Variants in POLR3B observed in about 807,000 individuals in gnomAD.
The protein encoded by POLR3B is RNA polymerase III subunit B.
POLR3B carries 96 observed loss-of-function variants against 147.4 expected under a neutral mutation model. The observed-to-expected ratio is 0.65, with a 90% confidence interval of 0.55 to 0.77. The LOEUF is 0.77. Among genes scored for constraint, POLR3B ranks in the 30% least tolerant of loss-of-function variants. The probability of loss-of-function intolerance (pLI) is 0.00; values close to 1 mark genes in which losing one functional copy is unlikely to be tolerated. For synonymous variants in POLR3B, 461 were observed against 485.9 expected (o/e 0.95, Z 0.67); for missense variants, 1,036 against 1,413.5 (o/e 0.73, Z 4.28).
chr12:106,433,435 C>CCAGGTTGTTTGGGGT (rs1320412308), intron 15 of POLR3B, among the ~76,000 whole-genome samples: 30 of 152,168 alleles, frequency 2.0e-4, no homozygotes, highest in African/African-American at 7.0e-4. Flanking sequence ...AGTGTTCAAA[C>CCAGGTTGTTTGGGGT]CCAGGTTGTT....
intron 1 of POLR3B, among the ~76,000 whole-genome samples, chr12:106,363,559 C>A (rs958625654): frequency 1.3e-5 from 2 of 152,144 alleles, no homozygotes; most frequent in East Asian, 1.9e-4. Context: ...GCCTTATTTT[C>A]CTTTTCTCAA....
chr12:106,380,487 G>C (rs963871348), intron 9 of POLR3B, among the ~76,000 whole-genome samples: 1 of 152,110 alleles, frequency 6.6e-6, no homozygotes, highest in Non-Finnish European at 1.5e-5. Flanking sequence ...GGAGGCTGAG[G>C]TGGGAGGATG....
chr12:106,384,556 C>A (rs900180919), intron 9 of POLR3B, among the ~76,000 whole-genome samples: 2 of 152,180 alleles, frequency 1.3e-5, no homozygotes, highest in African/African-American at 4.8e-5. Context: ...AACACTCTGC[C>A]TTCTTGTTTC....
In POLR3B at chr12:106,367,208, T is replaced by G. The variant is rs138511178; in HGVS notation, c.227+486T>G. On this transcript the variant is annotated intron_variant, in intron 4 of 27. Transcript: ENST00000228347. ...TATAATGAGCTATGGTTGGGAAAATTTTGAAACTATTAGGTTTTAAATATT... is the reference window on the plus strand; with the variant it reads ...TATAATGAGCTATGGTTGGGAAAATGTTGAAACTATTAGGTTTTAAATATT... 6.3e-3 allele frequency among the ~76,000 whole-genome samples: 966 copies of G among 152,322 alleles called. 9 individuals are homozygous for G. Among genetic ancestry groups the G allele is most frequent in the African/African-American group, 0.022 (933 of 41,558 alleles).
At chr12:106,365,801 G>C (rs955471252) in intron 2 of POLR3B, among the ~76,000 whole-genome samples, 1 of 151,742 alleles carries the variant, frequency 6.6e-6, no homozygotes, top group African/African-American at 2.4e-5. Context: ...GGACGTTGCA[G>C]TGAGCCGAGA....
chr12:106,502,031 A>G (rs1380752994), intron 26 of POLR3B, among the ~76,000 whole-genome samples: 3 of 152,158 alleles, frequency 2.0e-5, no homozygotes, highest in African/African-American at 7.2e-5. Flanking sequence ...ACTAAGTTTC[A>G]CATGTTCTTA....
intron 23 of POLR3B, 82 bp from the exon 24 acceptor site, chr12:106,495,970 TAGC>T: frequency 1.2e-6 from 1 of 824,876 alleles, no homozygotes; most frequent in South Asian, 1.3e-5. Context: ...GAAATAGAGA[TAGC>T]AGCGGGGAGA....
intron 25 of POLR3B, 104 bp from the exon 26 acceptor site, chr12:106,501,219 G>C: frequency 1.3e-6 from 1 of 766,552 alleles, no homozygotes; most frequent in South Asian, 1.4e-5. Flanking sequence ...TTCTTATCCA[G>C]TCAGTCATAA....
chr12:106,451,121 A>G (rs2037788304), intron 19 of POLR3B, among the ~76,000 whole-genome samples: 1 of 152,158 alleles, frequency 6.6e-6, no homozygotes, highest in African/African-American at 2.4e-5. Context: ...CTAATCTGTA[A>G]CAATACAGAA....
intron 12 of POLR3B, among the ~76,000 whole-genome samples, chr12:106,423,874 G>A (rs77475661): frequency 0.011 from 1,590 of 147,400 alleles, 27 homozygotes; most frequent in African/African-American, 0.037. Flanking sequence ...TTTTTTCCTC[G>A]GGACAAGAGT....
chr12:106,374,661 C>T (rs1228081584), intron 6 of POLR3B, among the ~76,000 whole-genome samples: 1 of 151,978 alleles, frequency 6.6e-6, no homozygotes, highest in South Asian at 2.1e-4. Flanking sequence ...ACTATAGGCG[C>T]ACGCCACCAC....
chr12:106,486,608 T>G (rs1363440779), intron 23 of POLR3B, among the ~76,000 whole-genome samples: 1 of 152,206 alleles, frequency 6.6e-6, no homozygotes, highest in African/African-American at 2.4e-5. Context: ...AAATTCCCAT[T>G]CTTCCTGGAT....
At chr12:106,360,198 G>A (rs1242928229) in intron 1 of POLR3B, among the ~76,000 whole-genome samples, 2 of 152,202 alleles carry the variant, frequency 1.3e-5, no homozygotes, top group African/African-American at 4.8e-5. Flanking sequence ...TCTGCAGCCA[G>A]AGCTGTCCGT....
chr12:106,429,487 C>T (rs905098517), intron 13 of POLR3B, among the ~76,000 whole-genome samples: 1 of 151,986 alleles, frequency 6.6e-6, no homozygotes, highest in African/African-American at 2.4e-5. Flanking sequence ...ATTCATGTTA[C>T]CATGAATTTA....
At chr12:106,469,589 G>A (rs1467089609) in intron 23 of POLR3B, among the ~76,000 whole-genome samples, 13 of 151,660 alleles carry the variant, frequency 8.6e-5, no homozygotes, top group Admixed American at 1.3e-4. Flanking sequence ...GGCTGGTACC[G>A]GTTGTTCCTT....
At chr12:106,406,109 C>T (rs1429203613) in intron 11 of POLR3B, 133 bp downstream of exon 11, 11 of 874,518 alleles carry the variant, frequency 1.3e-5, no homozygotes, top group Non-Finnish European at 7.3e-6. Context: ...TGTACTGCCC[C>T]ATCAGAAATA....
chr12:106,365,479 C>T (rs1009551013), intron 2 of POLR3B, among the ~76,000 whole-genome samples: 1 of 152,092 alleles, frequency 6.6e-6, no homozygotes, highest in African/African-American at 2.4e-5. Flanking sequence ...CTCTGCCTCC[C>T]GAGTAGCTGT....
At chr12:106,467,445 G>T in intron 23 of POLR3B, among the ~76,000 whole-genome samples, 1 of 151,850 alleles carries the variant, frequency 6.6e-6, no homozygotes, top group East Asian at 1.9e-4. Context: ...ATACTTTATT[G>T]GGTTCTCTTG....
intron 20 of POLR3B, among the ~76,000 whole-genome samples, chr12:106,455,470 A>G (rs2037853118): frequency 1.3e-5 from 2 of 152,162 alleles, no homozygotes; most frequent in Admixed American, 6.5e-5. Context: ...GACAACAGCC[A>G]TGCTTTAAAA....
Sources: gnomAD v4.1 joint callset for allele counts (sites outside exome capture counted in the v4.1 genomes callset) on GRCh38, gnomAD v4.1.1 for gene constraint, MANE v1.5 for transcripts, NCBI Gene and HGNC (gene_info 2026-07-23, HGNC 2026-07-21) for gene names.